Variants in FOXP2 observed in about 807,000 individuals in gnomAD.
FOXP2 encodes the protein forkhead box P2, also known as forkhead box protein P2.
A neutral mutation model predicts 115.8 loss-of-function variants in FOXP2; 12 were observed. The ratio of observed to expected loss-of-function variants is 0.10; its 90% CI spans 0.07 to 0.17. The LOEUF (loss-of-function observed/expected upper bound fraction) is 0.17. FOXP2 is among the 10% of genes least tolerant of loss of function. The probability of loss-of-function intolerance (pLI) is 1.00; values close to 1 mark genes in which losing one functional copy is unlikely to be tolerated. For missense variants in FOXP2, 629 were observed against 843.5 expected (o/e 0.75, Z 3.15); for synonymous variants, 328 against 297.7 (o/e 1.10, Z -1.05).
intron 2 of FOXP2, among the ~76,000 whole-genome samples, chr7:114,477,570 C>G (rs1292107237): frequency 6.6e-6 from 1 of 151,846 alleles, no homozygotes; most frequent in Non-Finnish European, 1.5e-5. Context: ...TGGTGGGATC[C>G]ATTCCCCAAA....
chr7:114,422,579 G>T (rs1195241296), intron 1 of FOXP2, among the ~76,000 whole-genome samples: 1 of 151,542 alleles, frequency 6.6e-6, no homozygotes, highest in Non-Finnish European at 1.5e-5. Flanking sequence ...TGGGAATGTG[G>T]AGTGGAAAAG....
At chr7:114,259,838 T>G (rs117412419) in intron 1 of FOXP2, among the ~76,000 whole-genome samples, 2,128 of 152,254 alleles carry the variant, frequency 0.014, 27 homozygotes, top group Non-Finnish European at 0.024. Flanking sequence ...TTTCTCTCTG[T>G]GGTAGGTTGC....
rs141313587 is a variant in FOXP2, at chr7:114,401,534, C to T, written c.-10-24968C>T. ...AAGTGCCCCAATAATGCTGCTGGGT[C>T]GGCATTATCAATCACGTGTCAACAG... On this transcript the variant is annotated intron_variant, in intron 2 of 17. Transcript: ENST00000634411. 1.5e-3 allele frequency among the ~76,000 whole-genome samples: 234 copies of T among 152,170 alleles called. 1 individual carries two copies. The highest frequency in any genetic ancestry group is 3.4e-3 in the Middle Eastern group (1 of 294).
chr7:114,297,326 G>C (rs1431265810), intron 2 of FOXP2: 3 of 588,022 alleles, frequency 5.1e-6, no homozygotes, highest in Non-Finnish European at 6.4e-6. Flanking sequence ...TGGTGTGCTT[G>C]GTCAGGCGCC....
chr7:114,396,524 T>G (rs143807166), intron 2 of FOXP2, among the ~76,000 whole-genome samples: 48 of 152,236 alleles, frequency 3.2e-4, no homozygotes, highest in African/African-American at 9.1e-4. Flanking sequence ...GTAATGGGAT[T>G]CAGTAGTCCT....
At chr7:114,159,610 G>A (rs995356649), upstream of FOXP2, among the ~76,000 whole-genome samples, 1 of 152,112 alleles carries the variant, frequency 6.6e-6, no homozygotes, top group Non-Finnish European at 1.5e-5. Flanking sequence ...GGACACTTCT[G>A]AGAGGGAAAG....
intron 3 of FOXP2, among the ~76,000 whole-genome samples, chr7:114,595,673 GT>G (rs1267006919): frequency 6.6e-6 from 1 of 151,956 alleles, no homozygotes; most frequent in East Asian, 1.9e-4. Flanking sequence ...CTTTAGCATT[GT>G]AGGAAAAGAA....
intron 1 of FOXP2, among the ~76,000 whole-genome samples, chr7:114,099,596 T>C (rs1426263281): frequency 6.6e-6 from 1 of 152,148 alleles, no homozygotes; most frequent in Non-Finnish European, 1.5e-5. Flanking sequence ...TTATTCACAG[T>C]AGCCAAGATA....
At chr7:114,297,337 C>G in intron 2 of FOXP2, 1 of 625,606 alleles carries the variant, frequency 1.6e-6, no homozygotes, top group Non-Finnish European at 2.9e-6. Context: ...GTCAGGCGCC[C>G]GTGGTGGCGG....
chr7:114,521,131 A>G (rs1009464819), intron 2 of FOXP2, among the ~76,000 whole-genome samples: 6 of 152,124 alleles, frequency 3.9e-5, no homozygotes, highest in Non-Finnish European at 7.4e-5. Flanking sequence ...GTTTGCCTAA[A>G]TAAGTGATTA....
At chr7:114,419,713 G>GACACACACACACACACACACAC (rs35955915) in intron 1 of FOXP2, 1 of 141,520 alleles carries the variant, frequency 7.1e-6, no homozygotes, top group Non-Finnish European at 1.6e-5. Flanking sequence ...CATACACATA[G>GACACACACACACACACACACAC]ACACACACAC....
chr7:114,398,220 T>C (rs1402104863), intron 2 of FOXP2, among the ~76,000 whole-genome samples: 1 of 152,128 alleles, frequency 6.6e-6, no homozygotes, highest in Non-Finnish European at 1.5e-5. Flanking sequence ...AAAAATACCA[T>C]ATGTAAAATT....
chr7:114,443,812 C>T (rs1486332346), intron 2 of FOXP2, among the ~76,000 whole-genome samples: 1 of 152,058 alleles, frequency 6.6e-6, no homozygotes, highest in Non-Finnish European at 1.5e-5. Flanking sequence ...TTTCTTTTTC[C>T]ATTTTACTGT....
chr7:114,588,210 G>C (rs1802248368), intron 3 of FOXP2, among the ~76,000 whole-genome samples: 1 of 151,906 alleles, frequency 6.6e-6, no homozygotes, highest in South Asian at 2.1e-4. Flanking sequence ...GGGAAGCTGA[G>C]GCAGGAGAAT....
chr7:114,640,174 T>C (rs1344873055), intron 6 of FOXP2, among the ~76,000 whole-genome samples: 1 of 152,174 alleles, frequency 6.6e-6, no homozygotes, highest in African/African-American at 2.4e-5. Context: ...ACACCTAACA[T>C]ACACCAACAG....
chr7:114,301,277 T>C (rs1305714045), intron 2 of FOXP2, among the ~76,000 whole-genome samples: 3 of 152,114 alleles, frequency 2.0e-5, no homozygotes, highest in Non-Finnish European at 4.4e-5. Flanking sequence ...GTTCATTCTA[T>C]ATTAAGAATA....
At chr7:114,261,631 A>G (rs143533434) in intron 1 of FOXP2, among the ~76,000 whole-genome samples, 1 of 152,196 alleles carries the variant, frequency 6.6e-6, no homozygotes, top group African/African-American at 2.4e-5. Flanking sequence ...TCTGTAAAAT[A>G]AAACGGTTAT....
At chr7:114,289,416 C>T (rs1487986165) in intron 2 of FOXP2, among the ~76,000 whole-genome samples, 1 of 151,828 alleles carries the variant, frequency 6.6e-6, no homozygotes, top group Admixed American at 6.6e-5. Context: ...TGTCTGCTAA[C>T]ACTCAGTCTT....
At chr7:114,498,811 G>A (rs1376088607) in intron 2 of FOXP2, 2 of 716,836 alleles carry the variant, frequency 2.8e-6, no homozygotes. Flanking sequence ...GTATATGTCA[G>A]GATGATTTCA....
Sources: gnomAD v4.1 joint callset for allele counts (sites outside exome capture counted in the v4.1 genomes callset) on GRCh38, gnomAD v4.1.1 for gene constraint, MANE v1.5 for transcripts, NCBI Gene and HGNC (gene_info 2026-07-23, HGNC 2026-07-21) for gene names.